IGSF11: variants seen among roughly 807,000 people sequenced by gnomAD.
The protein encoded by IGSF11 is CXADR like 1.
A neutral mutation model predicts 41.0 loss-of-function variants in IGSF11; 22 were observed. The ratio of observed to expected loss-of-function variants is 0.54; its 90% CI spans 0.38 to 0.77. The LOEUF is 0.77. Among genes scored for constraint, IGSF11 ranks in the 30% least tolerant of loss-of-function variants. The pLI, the probability that IGSF11 is intolerant of heterozygous loss-of-function variation, is 0.00. For missense variants in IGSF11, 444 were observed against 530.8 expected (o/e 0.84, Z 1.61); for synonymous variants, 219 against 201.3 (o/e 1.09, Z -0.74).
chr3:118,963,648 A>G (rs1945484620), intron 1 of IGSF11, among the ~76,000 whole-genome samples: 1 of 152,196 alleles, frequency 6.6e-6, no homozygotes, highest in Non-Finnish European at 1.5e-5. Flanking sequence ...GAAGTCAGAG[A>G]ACCTAAAAGC....
At chr3:118,926,540 C>G (rs914588456) in intron 3 of IGSF11, among the ~76,000 whole-genome samples, 1 of 152,200 alleles carries the variant, frequency 6.6e-6, no homozygotes, top group Non-Finnish European at 1.5e-5. Context: ...TCCTTTCACT[C>G]TGCTTCCTCT....
intron 1 of IGSF11, among the ~76,000 whole-genome samples, chr3:119,053,894 C>G: frequency 6.6e-6 from 1 of 152,008 alleles, no homozygotes; most frequent in East Asian, 1.9e-4. Flanking sequence ...TTCATCAAAG[C>G]CAACAAAAAG....
At chr3:119,086,267 C>A (rs1559859310) in intron 1 of IGSF11, among the ~76,000 whole-genome samples, 1 of 152,186 alleles carries the variant, frequency 6.6e-6, no homozygotes. Context: ...GACTCACTGA[C>A]ATTCTTAAGA....
chr3:119,055,122 C>A (rs1941776367), intron 1 of IGSF11, among the ~76,000 whole-genome samples: 1 of 152,188 alleles, frequency 6.6e-6, no homozygotes, highest in African/African-American at 2.4e-5. Flanking sequence ...AGGGTCGTGA[C>A]TGTTAGAAGG....
intron 4 of IGSF11, among the ~76,000 whole-genome samples, chr3:118,923,400 C>A (rs1372734053): frequency 6.6e-6 from 1 of 152,170 alleles, no homozygotes; most frequent in Non-Finnish European, 1.5e-5. Context: ...TTCCTAAGAA[C>A]AAAGACACAT....
At position 118,916,976 on chromosome 3, in the gene IGSF11, T is replaced by A. The variant is rs1379290158; in HGVS notation, c.580+9125A>T. On this transcript the variant is annotated intron_variant, in intron 4 of 6. Coordinates refer to ENST00000393775, the MANE Select transcript of IGSF11 (RefSeq NM_001015887.3). ...TCTCACTCAAAACTGCTCAGCTACA[T>A]GGAAACTGAACAACCTGCTCCTGGA... Among the ~76,000 whole-genome samples, 3 of 152,022 alleles carry A rather than the reference T, an allele frequency of 2.0e-5. No individual in the cohort carries two copies. In the South Asian group the frequency reaches 6.2e-4, roughly 32 times the overall value.
chr3:118,923,049 C>CA (rs1239323573), intron 4 of IGSF11, among the ~76,000 whole-genome samples: 1 of 152,106 alleles, frequency 6.6e-6, no homozygotes, highest in African/African-American at 2.4e-5. Context: ...GTATAAAACT[C>CA]AGAGTGAGCT....
In IGSF11 at chr3:119,017,534, C is replaced by T. The variant is rs75795507; in HGVS notation, c.52+16997G>A. Among the ~76,000 whole-genome samples, 478 of 152,262 alleles carry T rather than the reference C, an allele frequency of 3.1e-3. 4 individuals are homozygous for T. Among genetic ancestry groups the T allele is most frequent in the Non-Finnish European group, 2.4e-3 (160 of 68,000 alleles). On this transcript the variant is annotated intron_variant, in intron 1 of 6. Coordinates refer to ENST00000393775, the MANE Select transcript of IGSF11 (RefSeq NM_001015887.3). ...CCAACTGTAACTGTATTTTCCTCTT[C>T]TCTGTTTCTTAAACCAGGAAGATGA...
chr3:118,908,832 G>T (rs1450661153), intron 4 of IGSF11, among the ~76,000 whole-genome samples: 2 of 152,220 alleles, frequency 1.3e-5, no homozygotes, highest in African/African-American at 2.4e-5. Flanking sequence ...AGTAGCTGAT[G>T]TATCTGCTAA....
At chr3:118,911,735 GAGAA>G (rs913481020) in intron 4 of IGSF11, among the ~76,000 whole-genome samples, 2 of 150,910 alleles carry the variant, frequency 1.3e-5, no homozygotes, top group African/African-American at 4.9e-5. Context: ...GAGAGAGAGA[GAGAA>G]AGAGAGAGAG....
intron 1 of IGSF11, among the ~76,000 whole-genome samples, chr3:118,997,470 C>A (rs1212761859): frequency 2.0e-5 from 3 of 152,114 alleles, no homozygotes; most frequent in Non-Finnish European, 4.4e-5. Context: ...AGCCATTTGG[C>A]AGCAAAGCCT....
intron 1 of IGSF11, among the ~76,000 whole-genome samples, chr3:118,997,778 G>C (rs1192950488): frequency 6.6e-6 from 1 of 152,026 alleles, no homozygotes; most frequent in Non-Finnish European, 1.5e-5. Flanking sequence ...AGCTGTCTTA[G>C]GACGTTACTG....
chr3:119,004,791 C>T (rs1436746692), intron 1 of IGSF11, among the ~76,000 whole-genome samples: 1 of 151,050 alleles, frequency 6.6e-6, no homozygotes, highest in African/African-American at 2.4e-5. Context: ...GATTCTTAAT[C>T]CTGAGTTCTA....
rs1553754813 is a variant in IGSF11, at chr3:118,933,470, T to TTATATATATATATA, written c.53-3209_53-3196dup. On this transcript the variant is annotated intron_variant, in intron 1 of 6. Transcript: ENST00000393775. ...TCTCTCTACATATAACATGTATTTT[T>TTATATATATATATA]TATATATATATATATATATACACAC... Among the ~76,000 whole-genome samples, 1,013 of 145,976 alleles carry TTATATATATATATA rather than the reference T, an allele frequency of 6.9e-3. 5 individuals are homozygous for TTATATATATATATA. Among genetic ancestry groups the TTATATATATATATA allele is most frequent in the Middle Eastern group, 0.018 (5 of 280 alleles).
At chr3:119,037,438 C>A (rs114595614), upstream of IGSF11, among the ~76,000 whole-genome samples, 2 of 152,148 alleles carry the variant, frequency 1.3e-5, no homozygotes, top group Non-Finnish European at 2.9e-5. Flanking sequence ...CCACCTCTGC[C>A]CCACCATGAT....
intron 1 of IGSF11, among the ~76,000 whole-genome samples, chr3:119,110,419 C>A (rs1380575794): frequency 2.6e-5 from 4 of 151,828 alleles, no homozygotes; most frequent in African/African-American, 7.3e-5. Flanking sequence ...CAACCCCTGC[C>A]TTTTTTTGTT....
intron 1 of IGSF11, among the ~76,000 whole-genome samples, chr3:119,048,676 C>G (rs966368393): frequency 2.6e-5 from 4 of 151,944 alleles, no homozygotes; most frequent in African/African-American, 9.7e-5. Flanking sequence ...ATACCAAAGC[C>G]AGGCAGAGAC....
intron 1 of IGSF11, chr3:118,944,773 A>G (rs1043412368): frequency 2.6e-5 from 4 of 152,220 alleles, no homozygotes; most frequent in African/African-American, 9.6e-5. Context: ...TCAAGAACTT[A>G]TGTGCCAAGT....
intron 1 of IGSF11, among the ~76,000 whole-genome samples, chr3:119,073,501 G>A (rs1456978349): frequency 5.3e-5 from 8 of 152,212 alleles, no homozygotes; most frequent in South Asian, 2.1e-4. Context: ...GGAGCCCACC[G>A]TGGGGGGGCT....
Sources: gnomAD v4.1 joint callset for allele counts (sites outside exome capture counted in the v4.1 genomes callset) on GRCh38, gnomAD v4.1.1 for gene constraint, MANE v1.5 for transcripts, NCBI Gene and HGNC (gene_info 2026-07-23, HGNC 2026-07-21) for gene names.